SH2D2A: variants seen among roughly 807,000 people sequenced by gnomAD.
The protein encoded by SH2D2A is SH2 domain containing 2A.
Under a neutral mutation model 43.6 loss-of-function variants are expected in SH2D2A, and 33 were observed. That is an observed-to-expected ratio of 0.76 (90% confidence interval 0.57 to 1.01). The LOEUF (loss-of-function observed/expected upper bound fraction) is 1.01, where lower values mean the gene tolerates loss of function less well. Among genes scored for constraint, SH2D2A ranks in the 50% least tolerant of loss-of-function variants. The pLI, the probability that SH2D2A is intolerant of heterozygous loss-of-function variation, is 0.00. For missense variants in SH2D2A, 491 were observed against 503.1 expected, an observed-to-expected ratio of 0.98 and a Z score of 0.23; for synonymous variants, 212 against 206.1, an observed-to-expected ratio of 1.03 and a Z score of -0.25.
intron 7 of SH2D2A, among the ~76,000 whole-genome samples, chr1:156,808,699 C>G (rs1653156213): frequency 6.6e-6 from 1 of 152,070 alleles, no homozygotes; most frequent in Admixed American, 6.5e-5. Flanking sequence ...AAGAGGGAGA[C>G]AGGGAGTACA....
At chr1:156,816,244 C>T in intron 1 of SH2D2A, 150 bp from the exon 2 acceptor site, 1 of 1,345,766 alleles carries the variant, frequency 7.4e-7, no homozygotes, top group Non-Finnish European at 9.9e-7. Context: ...GGGAGTTTCT[C>T]AGGCATGAGG....
chr1:156,816,085 T>C lies in SH2D2A; in HGVS notation c.44A>G (p.Glu15Gly). 6.2e-7 allele frequency: 1 copy of C among 1,613,542 alleles called. No homozygotes were observed. The highest frequency in any genetic ancestry group is 8.5e-7 in the Non-Finnish European group (1 of 1,179,706). ...LAQICPQGSH[E>G]APIPTFSTFQ... ...GGTGCTGAAGGTTGGGATGGGGGCTTCGTGACTCCCTGTGAGCACAAAGAG... is the reference window on the plus strand; with the variant it reads ...GGTGCTGAAGGTTGGGATGGGGGCTCCGTGACTCCCTGTGAGCACAAAGAG... The change falls in exon 2 of 9, where the codon GAA (glutamate) becomes GGA (glycine). Residue 15 changes from glutamate (E) to glycine (G), a missense_variant. Coordinates refer to ENST00000368199, the MANE Select transcript of SH2D2A (RefSeq NM_003975.4).
At chr1:156,815,754 C>T (rs2102820511) in intron 2 of SH2D2A, 5 of 1,554,836 alleles carry the variant, frequency 3.2e-6, no homozygotes, top group African/African-American at 1.5e-5. Flanking sequence ...TGCACTGCAC[C>T]CTGGTCATCT....
rs377668169 is a variant in SH2D2A, at chr1:156,816,037, C to G, written c.92G>C (p.Arg31Pro). The G allele has an allele frequency of 1.2e-6, 2 of 1,613,784 alleles. No individual in the cohort carries two copies. The highest frequency in any genetic ancestry group is 2.7e-5 in the African/African-American group (2 of 74,870). ...GTAGCCCAGGTTCTGGCAGCTCCTG[C>G]GGGTCATGTCTGTGATCTGGAAGGT... ...FSTFQITDMTRRSCQNLGYTA... is the reference protein window; with the variant it reads ...FSTFQITDMTPRSCQNLGYTA... The change falls in exon 2 of 9, where the codon CGC (arginine) becomes CCC (proline). Residue 31 changes from arginine (R) to proline (P), a missense_variant. Physicochemically the swap from Arg to Pro is moderately radical, Grantham distance 103. Coordinates refer to ENST00000368199, the MANE Select transcript of SH2D2A (RefSeq NM_003975.4).
At chr1:156,810,265 T>C (rs1043898344) in intron 5 of SH2D2A, among the ~76,000 whole-genome samples, 2 of 152,194 alleles carry the variant, frequency 1.3e-5, no homozygotes, top group African/African-American at 4.8e-5. Context: ...TCTTGAACTC[T>C]TGGGTTCAAG....
At chr1:156,815,624 G>A in intron 2 of SH2D2A, 1 of 678,940 alleles carries the variant, frequency 1.5e-6, no homozygotes, top group Non-Finnish European at 2.7e-6. Flanking sequence ...ATGAGGGACT[G>A]ACCTAGTTCG....
At chr1:156,814,127 T>C in intron 4 of SH2D2A, 78 bp downstream of exon 4, 1 of 1,576,596 alleles carries the variant, frequency 6.3e-7, no homozygotes, top group Non-Finnish European at 8.6e-7. Flanking sequence ...AGAGCCCGGC[T>C]CCTCACGGGA....
At chr1:156,811,402 G>C (rs566601686) in intron 5 of SH2D2A, among the ~76,000 whole-genome samples, 1 of 152,306 alleles carries the variant, frequency 6.6e-6, no homozygotes, top group South Asian at 2.1e-4. Flanking sequence ...CATTGCCCCA[G>C]AATAAGTCAG....
In SH2D2A at chr1:156,816,796, C is replaced by T; in HGVS notation, c.-88G>A. 1.6e-6 allele frequency: 2 copies of T among 1,266,880 alleles called. No homozygotes were observed. Among genetic ancestry groups the T allele is most frequent in the South Asian group, 1.7e-5 (1 of 58,866 alleles). The allele number at this position is 1,266,880 out of a possible 1,614,324, so 78.5% of individuals were successfully genotyped here. Reference sequence around the variant, plus strand: ...CACTCAGCAACTCATCATCTCTCCTCTCACCCTGGCCCCGGGGGCAGGAAA... The same window carrying T: ...CACTCAGCAACTCATCATCTCTCCTTTCACCCTGGCCCCGGGGGCAGGAAA... On this transcript the variant is annotated 5_prime_UTR_variant, in exon 1 of 9. Coordinates refer to ENST00000368199, the MANE Select transcript of SH2D2A (RefSeq NM_003975.4).
chr1:156,809,395 G>A lies in SH2D2A; in HGVS notation c.810C>T (p.Ala270=). ...YTIPVPRHRP[A]PRPKPSNPIY... ...TAGGATTGGAGGGCTTGGGGCGTGG[G>A]GCCGGGCGGTGTCGTGGAACAGGGA... is the stretch of plus-strand genomic sequence containing the variant. Residue 270 remains alanine (A), a synonymous_variant, in exon 7 of 9, where the codon GCC becomes GCT. Transcript: ENST00000368199. The surrounding 1 kb of genome is among the most constrained non-coding windows in gnomAD (Gnocchi z 4.8). 2.5e-6 allele frequency: 4 copies of A among 1,614,040 alleles called. No homozygotes were observed. Among genetic ancestry groups the A allele is most frequent in the Non-Finnish European group, 3.4e-6 (4 of 1,180,020 alleles).
At chr1:156,808,196 T>C (rs1451144495) in intron 7 of SH2D2A, among the ~76,000 whole-genome samples, 1 of 151,892 alleles carries the variant, frequency 6.6e-6, no homozygotes, top group African/African-American at 2.4e-5. Context: ...TAGGAAGAGA[T>C]CCAGCAGGAA....
intron 5 of SH2D2A, among the ~76,000 whole-genome samples, chr1:156,813,578 C>G (rs371972460): frequency 2.0e-5 from 3 of 152,104 alleles, no homozygotes; most frequent in African/African-American, 4.8e-5. Context: ...AAACAAAACC[C>G]CAAATGACTC....
intron 4 of SH2D2A, 84 bp from the exon 5 acceptor site, chr1:156,814,100 G>A (rs915393745): frequency 1.3e-6 from 2 of 1,515,714 alleles, no homozygotes; most frequent in East Asian, 2.5e-5. Context: ...ACCTTCAGCA[G>A]CCCGGGGAAT....
At chr1:156,812,722 T>C (rs964329396) in intron 5 of SH2D2A, among the ~76,000 whole-genome samples, 4 of 152,140 alleles carry the variant, frequency 2.6e-5, no homozygotes, top group African/African-American at 9.6e-5. Flanking sequence ...CTGGGTCTGC[T>C]TGGAAGGTGG....
At position 156,813,890 on chromosome 1, in the gene SH2D2A, G is replaced by C; in HGVS notation, c.525C>G (p.Leu175=). Residue 175 remains leucine (L), a synonymous_variant, in exon 5 of 9, where the codon CTC becomes CTG. Coordinates refer to ENST00000368199, the MANE Select transcript of SH2D2A (RefSeq NM_003975.4). ...CGGTGAGCGTCTCCCCGTAGGGGCTGAGCGGGTGCGCGGTGTAGTGCAGCA... is the reference window on the plus strand; with the variant it reads ...CGGTGAGCGTCTCCCCGTAGGGGCTCAGCGGGTGCGCGGTGTAGTGCAGCA... The part of the protein sequence containing the change: ...DLLLHYTAHP[L]SPYGETLTEP... The C allele has an allele frequency of 6.5e-7, 1 of 1,542,400 alleles. No homozygotes were observed.
At chr1:156,811,645 A>G (rs371579839) in intron 5 of SH2D2A, among the ~76,000 whole-genome samples, 12 of 152,122 alleles carry the variant, frequency 7.9e-5, no homozygotes, top group African/African-American at 2.2e-4. Flanking sequence ...TAGGTCACCA[A>G]TGACCTCCTC....
chr1:156,809,652 G>A lies in SH2D2A; in HGVS notation c.714+9C>T. The A allele has an allele frequency of 6.2e-7, 1 of 1,607,048 alleles. No homozygotes were observed. Among genetic ancestry groups the A allele is most frequent in the South Asian group, 1.1e-5 (1 of 90,198 alleles). ...TCCTCCCACTCCCTCAGCCCCTGCA[G>A]CCCAATACCTCCTTCTCCCCGGCCC... On this transcript the variant is annotated intron_variant, in intron 6 of 8. Transcript: ENST00000368199. The surrounding 1 kb of genome is among the most constrained non-coding windows in gnomAD (Gnocchi z 4.8).
intron 5 of SH2D2A, among the ~76,000 whole-genome samples, chr1:156,812,798 C>G (rs78596779): frequency 0.023 from 3,554 of 152,272 alleles, 154 homozygotes; most frequent in African/African-American, 0.081. Context: ...CAGACTCTGT[C>G]TTCTTTGCTT....
Position 156,809,472 on chromosome 1 carries a change from G to A in SH2D2A, c.733C>T (p.Pro245Ser). The change falls in exon 7 of 9, where the codon CCC becomes TCC. Residue 245 changes from proline (P) to serine (S), a missense_variant. By Grantham distance (74) the Pro-to-Ser change is moderately conservative (BLOSUM62 -1). Coordinates refer to ENST00000368199, the MANE Select transcript of SH2D2A (RefSeq NM_003975.4). This position sits in a 1 kb window ranked among gnomAD's most constrained non-coding sequence, Gnocchi z 4.8. ...GEKEPSQLLR[P>S]KPPIPAKPQL... ...GGTTTGGCGGGGATGGGAGGCTTGG[G>A]CCTGAGCAGCTGGGAGGGCTGGGAG... The A allele has an allele frequency of 6.2e-7, 1 of 1,606,210 alleles. No individual in the cohort carries two copies. Among genetic ancestry groups the A allele is most frequent in the South Asian group, 1.1e-5 (1 of 90,560 alleles).
Sources: gnomAD v4.1 joint callset for allele counts (sites outside exome capture counted in the v4.1 genomes callset) on GRCh38, gnomAD v4.1.1 for gene constraint, Gnocchi (gnomAD v3.1) non-coding constraint, MANE v1.5 for transcripts, NCBI Gene and HGNC (gene_info 2026-07-23, HGNC 2026-07-21) for gene names.